The following PLEKHG7 variants were observed in gnomAD, a reference collection of about 807,000 sequenced individuals.
PLEKHG7 encodes pleckstrin homology and RhoGEF domain containing G7.
Under a neutral mutation model 85.2 loss-of-function variants are expected in PLEKHG7, and 77 were observed. The observed-to-expected ratio is 0.90, with a 90% CI of 0.75 to 1.09. The LOEUF (loss-of-function observed/expected upper bound fraction) is 1.09, where lower values mean the gene tolerates loss of function less well. Among genes scored for constraint, PLEKHG7 ranks in the 50% least tolerant of loss-of-function variants. The probability of loss-of-function intolerance (pLI) is 0.00; values close to 1 mark genes in which losing one functional copy is unlikely to be tolerated. For missense variants in PLEKHG7, 777 were observed against 804.3 expected, an observed-to-expected ratio of 0.97 and a Z score of 0.41; for synonymous variants, 301 against 302.4, an observed-to-expected ratio of 1.00 and a Z score of 0.05.
chr12:92,714,337 A>G (rs10777439), intron 3 of PLEKHG7, among the ~76,000 whole-genome samples: 80,130 of 151,976 alleles, frequency 0.53, 22,004 homozygotes, highest in East Asian at 0.9. Context: ...AGCAAAAAGC[A>G]TTGTCAGAAT....
chr12:92,706,347 A>G (rs180934280), intron 1 of PLEKHG7, 124 bp from the exon 2 acceptor site: 127 of 330,292 alleles, frequency 3.8e-4, no homozygotes, highest in African/African-American at 2.6e-3. Flanking sequence ...AAGGATGCTG[A>G]TGTGAACTGA....
In PLEKHG7 at chr12:92,722,685, T is replaced by C. The variant is rs193255586; in HGVS notation, c.531-6308T>C. 6.6e-5 allele frequency among the ~76,000 whole-genome samples: 10 copies of C among 152,322 alleles called. No homozygotes were observed. In the East Asian group the frequency reaches 1.9e-3, roughly 29 times the overall value. ...GGATGTGGGTAACGTAACCAACCAC[T>C]TTTAACTGGGGGAGGGTGAGCACTC... On this transcript the variant is annotated intron_variant, in intron 3 of 16. Transcript: ENST00000344636.
chr12:92,768,708 T>C (rs530443302), intron 15 of PLEKHG7, among the ~76,000 whole-genome samples: 1 of 152,284 alleles, frequency 6.6e-6, no homozygotes, highest in South Asian at 2.1e-4. Flanking sequence ...GGGGCCCCAT[T>C]ACCTAAGCCT....
At chr12:92,761,683 AAAGG>A (rs1332611555) in intron 13 of PLEKHG7, 65 bp from the exon 14 acceptor site, 19 of 1,392,816 alleles carry the variant, frequency 1.4e-5, no homozygotes, top group Middle Eastern at 1.9e-4. Context: ...AGAAAGAAAG[AAAGG>A]GAAAGAAAAA....
At chr12:92,749,892 A>G (rs1328464241) in intron 10 of PLEKHG7, among the ~76,000 whole-genome samples, 2 of 135,968 alleles carry the variant, frequency 1.5e-5, no homozygotes, top group East Asian at 2.1e-4. Context: ...TTTTTATTTT[A>G]TTTTATTTTA....
Position 92,754,085 on chromosome 12 carries a change from C to T in PLEKHG7, c.1252-5C>T, listed in dbSNP as rs756859974. The T allele has an allele frequency of 3.1e-6, 5 of 1,611,484 alleles. No homozygotes were observed. The Admixed American group carries it at 5.0e-5, about 16-fold the overall frequency. On this transcript the variant is annotated splice_polypyrimidine_tract_variant and splice_region_variant and intron_variant, in intron 10 of 16. Transcript: ENST00000344636. ...TTCTGATATGGCTGCTTTTGCCTTC[C>T]CCAGTGGTGTGAGCAGAATGAACAA...
intron 13 of PLEKHG7, among the ~76,000 whole-genome samples, chr12:92,757,732 C>G (rs543187631): frequency 9.2e-5 from 14 of 152,292 alleles, no homozygotes; most frequent in African/African-American, 2.9e-4. Context: ...CCAGCTGGAG[C>G]CTGGCTGCCT....
chr12:92,737,544 T>A (rs768812211), intron 7 of PLEKHG7, 23 bp downstream of exon 7: 3 of 1,602,868 alleles, frequency 1.9e-6, no homozygotes, highest in Non-Finnish European at 2.6e-6. Flanking sequence ...TTAATTTTTG[T>A]AGTAGATGGA....
In PLEKHG7 at chr12:92,754,211, C is replaced by A; in HGVS notation, c.1373C>A (p.Ser458Tyr). The change falls in exon 11 of 17, where the codon TCT (serine) becomes TAT (tyrosine). Residue 458 changes from serine (S) to tyrosine (Y), a missense_variant. Physicochemically the swap from Ser to Tyr is moderately radical, Grantham distance 144. Around this residue, in one of 3 missense-constraint regions of PLEKHG7, gnomAD observed 520 missense variants for 544.0 expected, o/e 0.96. Coordinates refer to ENST00000344636, the MANE Select transcript of PLEKHG7 (RefSeq NM_001377329.1). ...LKNIWKRSMD[S>Y]AEKIMIYSIK... is the part of the protein sequence containing the mutation. ...AATATCTGGAAAAGGAGCATGGACT[C>A]TGCTGAGAAAATCATGATCTACTCC... is the stretch of plus-strand genomic sequence containing the variant. 1 of 1,614,004 alleles carries A rather than the reference C, an allele frequency of 6.2e-7. No homozygotes were observed. Among genetic ancestry groups the A allele is most frequent in the Non-Finnish European group, 8.5e-7 (1 of 1,179,956 alleles).
chr12:92,770,086 A>G lies in PLEKHG7; in HGVS notation c.1969-2A>G. 1 of 1,572,456 alleles carries G rather than the reference A, an allele frequency of 6.4e-7. No homozygotes were observed. ...TATGTATTTTTTTCTTTTTTTCAACAGAAAACATGGATGGCACAAATAACA... is the reference window on the plus strand; with the variant it reads ...TATGTATTTTTTTCTTTTTTTCAACGGAAAACATGGATGGCACAAATAACA... On this transcript the variant is annotated splice_acceptor_variant, in intron 16 of 16. Coordinates refer to ENST00000344636, the MANE Select transcript of PLEKHG7 (RefSeq NM_001377329.1). LOFTEE classifies it high-confidence loss of function.
Position 92,737,492 on chromosome 12 carries a change from T to A in PLEKHG7, c.910T>A (p.Phe304Ile). The A allele has an allele frequency of 6.2e-7, 1 of 1,605,102 alleles. No individual in the cohort carries two copies. Among genetic ancestry groups the A allele is most frequent in the South Asian group, 1.1e-5 (1 of 88,264 alleles). Residue 304 changes from phenylalanine to isoleucine, a missense_variant, in exon 7 of 17, where the codon TTT becomes ATT. Transcript: ENST00000344636. ...ACTTTTCACAAGTGAATGCACCTAT[T>A]TTTTGGACCATTTATTAGTTCTTAA... is the stretch of plus-strand genomic sequence containing the variant. ...WELFTSECTY[F>I]LDHLLVLKMI...
chr12:92,749,940 A>C (rs12319700), intron 10 of PLEKHG7, among the ~76,000 whole-genome samples: 1 of 98,196 alleles, frequency 1.0e-5, no homozygotes, highest in Admixed American at 1.1e-4. Flanking sequence ...ATTTTATTTT[A>C]TATTTTATTT....
At chr12:92,734,196 AT>A (rs1415925328) in intron 5 of PLEKHG7, among the ~76,000 whole-genome samples, 2 of 152,196 alleles carry the variant, frequency 1.3e-5, no homozygotes, top group Non-Finnish European at 2.9e-5. Flanking sequence ...ATAAATGGTA[AT>A]CCACATCAAT....
chr12:92,761,655 AAAGAAAGAAAGAAAGAAAGAAAG>A (rs1873026279), intron 13 of PLEKHG7, 74 bp from the exon 14 acceptor site: 1 of 1,214,810 alleles, frequency 8.2e-7, no homozygotes, highest in South Asian at 1.9e-5. Flanking sequence ...AGAAAGAAAG[AAAGAAAGAAAGAAAGAAAGAAAG>A]AAAGAAAGGG....
chr12:92,763,976 C>G, intron 14 of PLEKHG7, 65 bp from the exon 15 acceptor site: 1 of 1,392,086 alleles, frequency 7.2e-7, no homozygotes, highest in Non-Finnish European at 9.8e-7. Flanking sequence ...CTTACAGATG[C>G]ACTTTAGATA....
At chr12:92,755,725 G>A in intron 11 of PLEKHG7, 100 bp from the exon 12 acceptor site, 1 of 791,140 alleles carries the variant, frequency 1.3e-6, no homozygotes. Context: ...GGCTCCAGGG[G>A]CAGCCAGTGT....
intron 13 of PLEKHG7, 130 bp from the exon 14 acceptor site, chr12:92,761,622 A>AGAAG: frequency 1.1e-6 from 1 of 885,912 alleles, no homozygotes. Context: ...AAAGAAAGAA[A>AGAAG]GAAGAAAGAA....
intron 15 of PLEKHG7, among the ~76,000 whole-genome samples, chr12:92,767,214 T>G (rs1165674787): frequency 6.6e-6 from 1 of 152,200 alleles, no homozygotes; most frequent in African/African-American, 2.4e-5. Context: ...GTTATTGTAT[T>G]AGAATGTCAG....
intron 9 of PLEKHG7, among the ~76,000 whole-genome samples, chr12:92,742,035 C>A (rs566321661): frequency 6.6e-6 from 1 of 152,246 alleles, no homozygotes; most frequent in Admixed American, 6.5e-5. Context: ...AACCTGTACC[C>A]CGGGTTTGAT....
Sources: allele counts gnomAD v4.1 joint callset (sites outside exome capture counted in the v4.1 genomes callset), GRCh38; gene constraint gnomAD v4.1.1; regional missense constraint gnomAD v4.1.1; transcripts MANE v1.5; gene names NCBI Gene and HGNC (gene_info 2026-07-23, HGNC 2026-07-21).